UNC5C: variants seen among roughly 807,000 people sequenced by gnomAD.
UNC5C encodes the protein unc-5 netrin receptor C, also known as netrin receptor UNC5C.
A neutral mutation model predicts 99.8 loss-of-function variants in UNC5C; 47 were observed. The ratio of observed to expected loss-of-function variants is 0.47; its 90% CI spans 0.37 to 0.60. The LOEUF (loss-of-function observed/expected upper bound fraction) is 0.60. Among genes scored for constraint, UNC5C ranks in the 20% least tolerant of loss-of-function variants. The probability of loss-of-function intolerance (pLI) is 0.00; values close to 1 mark genes in which losing one functional copy is unlikely to be tolerated. For synonymous variants in UNC5C, 487 were observed against 452.2 expected, an observed-to-expected ratio of 1.08 and a Z score of -0.98; for missense variants, 1,062 against 1,165.9, an observed-to-expected ratio of 0.91 and a Z score of 1.30.
intron 12 of UNC5C, among the ~76,000 whole-genome samples, chr4:95,197,806 T>TAGA (rs1277081741): frequency 6.6e-6 from 1 of 152,068 alleles, no homozygotes; most frequent in East Asian, 1.9e-4. Flanking sequence ...AACCTGGAAG[T>TAGA]AGAAGTAGTG....
chr4:95,438,169 C>A lies in UNC5C; in HGVS notation c.125-102538G>T, dbSNP rs187493743. 3.4e-3 allele frequency among the ~76,000 whole-genome samples: 517 copies of A among 152,096 alleles called. 1 individual carries two copies. The highest frequency in any genetic ancestry group is 0.018 in the South Asian group (85 of 4,820). The stretch of plus-strand genomic sequence containing the variant: ...GCTGTTGCTGTTGTTATTGCTTTTG[C>A]CAGGGACCACTCTAGTTTTAATAAG... On this transcript the variant is annotated intron_variant, in intron 1 of 15. Coordinates refer to ENST00000453304, the MANE Select transcript of UNC5C (RefSeq NM_003728.4).
chr4:95,458,637 T>C (rs1028042229), intron 1 of UNC5C, among the ~76,000 whole-genome samples: 1 of 152,030 alleles, frequency 6.6e-6, no homozygotes, highest in Non-Finnish European at 1.5e-5. Context: ...ATTTTCAGGG[T>C]AGTTTGATTA....
In UNC5C at chr4:95,347,962, G is replaced by A. The variant is rs145745244; in HGVS notation, c.125-12331C>T. The stretch of plus-strand genomic sequence containing the variant: ...CACAGCAAAGGAAACAATCAGCAAA[G>A]TGAAGAGACAACCTACAGAATGATA... On this transcript the variant is annotated intron_variant, in intron 1 of 15. Coordinates refer to ENST00000453304, the MANE Select transcript of UNC5C (RefSeq NM_003728.4). 1.4e-3 allele frequency among the ~76,000 whole-genome samples: 211 copies of A among 152,148 alleles called. 5 individuals carry two copies. Among genetic ancestry groups the A allele is most frequent in the East Asian group, 6.6e-3 (34 of 5,164 alleles).
intron 2 of UNC5C, among the ~76,000 whole-genome samples, chr4:95,322,051 G>A (rs1008224608): frequency 6.6e-6 from 1 of 152,078 alleles, no homozygotes; most frequent in African/African-American, 2.4e-5. Flanking sequence ...CAGATATAAA[G>A]CTCCATTCTT....
chr4:95,382,045 A>G (rs567301027), intron 1 of UNC5C, among the ~76,000 whole-genome samples: 1 of 152,284 alleles, frequency 6.6e-6, no homozygotes, highest in African/African-American at 2.4e-5. Flanking sequence ...CAAGCTTCCC[A>G]GTCAATCCAC....
intron 1 of UNC5C, among the ~76,000 whole-genome samples, chr4:95,408,043 T>C (rs1745877026): frequency 6.6e-6 from 1 of 152,208 alleles, no homozygotes; most frequent in African/African-American, 2.4e-5. Flanking sequence ...TTTACTATTA[T>C]GGTAAAAATA....
intron 1 of UNC5C, among the ~76,000 whole-genome samples, chr4:95,353,792 C>T (rs1390212944): frequency 1.3e-5 from 2 of 151,864 alleles, no homozygotes. Flanking sequence ...ACGATAAGAC[C>T]ATATGGTTTA....
chr4:95,357,005 A>T (rs1437497037), intron 1 of UNC5C, among the ~76,000 whole-genome samples: 3 of 152,096 alleles, frequency 2.0e-5, no homozygotes, highest in African/African-American at 7.2e-5. Flanking sequence ...TGGCTCTGCT[A>T]TGTATTTTCT....
At chr4:95,469,841 G>C (rs1747912891) in intron 1 of UNC5C, among the ~76,000 whole-genome samples, 1 of 152,102 alleles carries the variant, frequency 6.6e-6, no homozygotes, top group African/African-American at 2.4e-5. Context: ...TTTTACCGTG[G>C]TACACAATTT....
chr4:95,444,815 C>A (rs1391000280), intron 1 of UNC5C, among the ~76,000 whole-genome samples: 3 of 152,138 alleles, frequency 2.0e-5, no homozygotes, highest in African/African-American at 7.2e-5. Context: ...AGGGGATTAT[C>A]ACCAGTCTGC....
intron 1 of UNC5C, among the ~76,000 whole-genome samples, chr4:95,533,373 G>A (rs987509381): frequency 2.0e-5 from 3 of 151,332 alleles, no homozygotes; most frequent in Admixed American, 2.0e-4. Context: ...TCTAGCCAGG[G>A]CAATAAGAGC....
At chr4:95,248,648 T>A (rs1184093695) in intron 5 of UNC5C, 1 of 444,250 alleles carries the variant, frequency 2.3e-6, no homozygotes, top group Admixed American at 2.5e-5. Context: ...ATATGCCAAG[T>A]GGCATATTTT....
At chr4:95,325,220 A>ATT (rs1435941256) in intron 2 of UNC5C, among the ~76,000 whole-genome samples, 5 of 152,306 alleles carry the variant, frequency 3.3e-5, no homozygotes, top group African/African-American at 1.2e-4. Context: ...TTCATGGACA[A>ATT]AGGGAAACCA....
At chr4:95,200,123 A>AGTC (rs1737597183) in intron 12 of UNC5C, among the ~76,000 whole-genome samples, 1 of 152,292 alleles carries the variant, frequency 6.6e-6, no homozygotes, top group East Asian at 1.9e-4. Flanking sequence ...TGCCCTCTAC[A>AGTC]GTCTTTTCCC....
At chr4:95,191,809 C>T (rs1737112785) in intron 12 of UNC5C, among the ~76,000 whole-genome samples, 2 of 147,150 alleles carry the variant, frequency 1.4e-5, no homozygotes, top group Admixed American at 6.7e-5. Context: ...TCACCTTCTC[C>T]CCTGCTCACC....
chr4:95,273,563 G>T (rs2149392109), intron 4 of UNC5C, among the ~76,000 whole-genome samples: 1 of 152,238 alleles, frequency 6.6e-6, no homozygotes, highest in South Asian at 2.1e-4. Flanking sequence ...TGCTTCTTCA[G>T]GGAGATGGGG....
intron 12 of UNC5C, among the ~76,000 whole-genome samples, chr4:95,189,022 T>C (rs1394485862): frequency 3.3e-5 from 5 of 152,326 alleles, no homozygotes; most frequent in Admixed American, 6.5e-5. Flanking sequence ...ACAAAATATA[T>C]TTAATGTCAG....
intron 4 of UNC5C, among the ~76,000 whole-genome samples, chr4:95,266,024 T>C (rs1473626762): frequency 6.6e-6 from 1 of 152,240 alleles, no homozygotes; most frequent in East Asian, 1.9e-4. Flanking sequence ...ACAATGATGA[T>C]TCAGTGCCTC....
At chr4:95,375,099 A>G (rs551573265) in intron 1 of UNC5C, among the ~76,000 whole-genome samples, 5 of 152,286 alleles carry the variant, frequency 3.3e-5, no homozygotes, top group African/African-American at 1.2e-4. Flanking sequence ...CTTCTTGCCT[A>G]GTAATTTGTC....
Sources: allele counts gnomAD v4.1 joint callset (sites outside exome capture counted in the v4.1 genomes callset), GRCh38; gene constraint gnomAD v4.1.1; transcripts MANE v1.5; gene names NCBI Gene and HGNC (gene_info 2026-07-23, HGNC 2026-07-21).